ANPEP: variants seen among roughly 807,000 people sequenced by gnomAD.
ANPEP encodes the protein alanyl aminopeptidase, membrane, also known as aminopeptidase N.
In ANPEP, 70 loss-of-function variants were observed where a neutral mutation model predicts 114.6. The observed-to-expected ratio is 0.61, with a 90% confidence interval of 0.50 to 0.75. ANPEP has a LOEUF of 0.75. Among genes scored for constraint, ANPEP ranks in the 30% least tolerant of loss-of-function variants. The pLI is 0.00. For missense variants in ANPEP, 1,184 were observed against 1,259.5 expected (o/e 0.94, Z 0.91); for synonymous variants, 548 against 522.3 (o/e 1.05, Z -0.67).
chr15:89,807,489 A>G (rs576627798), intron 1 of ANPEP, among the ~76,000 whole-genome samples: 2 of 152,272 alleles, frequency 1.3e-5, no homozygotes, highest in East Asian at 1.9e-4. Flanking sequence ...TCACGAGGTT[A>G]GGAGTTCAAG....
At chr15:89,813,993 G>GA (rs1555442943) in intron 1 of ANPEP, among the ~76,000 whole-genome samples, 5 of 137,748 alleles carry the variant, frequency 3.6e-5, no homozygotes, top group African/African-American at 5.3e-5. Flanking sequence ...CGCACTGCTG[G>GA]GGGGGGGGGG....
chr15:89,802,999 C>T lies in ANPEP; in HGVS notation c.1569+240G>A, dbSNP rs376586280. On this transcript the variant is annotated intron_variant, in intron 10 of 20. Transcript: ENST00000300060. ...GGGCTCTACAGCTCCCATCAAGAAG[C>T]CCGCTGTAGCCTGAGGTCAGCTGCT... is the stretch of plus-strand genomic sequence containing the variant. Among the ~76,000 whole-genome samples the T allele has an allele frequency of 1.8e-4, 28 of 152,202 alleles. No homozygotes were observed. The East Asian group carries it at 5.0e-3, about 27-fold the overall frequency.
intron 20 of ANPEP, among the ~76,000 whole-genome samples, chr15:89,787,402 G>C (rs79747097): frequency 6.6e-6 from 1 of 151,548 alleles, no homozygotes; most frequent in African/African-American, 2.4e-5. Context: ...AAATTTTTTT[G>C]AAATAAAAAA....
Position 89,806,078 on chromosome 15 carries a change from G to A in ANPEP, c.506C>T (p.Ser169Phe), listed in dbSNP as rs753899647. ...CTCATACTGGCTGTCCTTCACCAGG[G>A]AGCCCTTGAGGTGCACCACCAGGTA... The part of the protein sequence containing the change: ...TEYLVVHLKG[S>F]LVKDSQYEMD... Residue 169 changes from serine (S) to phenylalanine (F), a missense_variant, in exon 2 of 21, where the codon TCC becomes TTC. Physicochemically the swap from Ser to Phe is radical, Grantham distance 155. Coordinates refer to ENST00000300060, the MANE Select transcript of ANPEP (RefSeq NM_001150.3). The surrounding 1 kb of genome is among the most constrained non-coding windows in gnomAD (Gnocchi z 5.7). 2.5e-6 allele frequency: 4 copies of A among 1,613,934 alleles called. No homozygotes were observed. Among genetic ancestry groups the A allele is most frequent in the Non-Finnish European group, 3.4e-6 (4 of 1,179,918 alleles).
At chr15:89,807,161 A>G (rs1596170913) in intron 1 of ANPEP, among the ~76,000 whole-genome samples, 1 of 152,214 alleles carries the variant, frequency 6.6e-6, no homozygotes, top group African/African-American at 2.4e-5. Flanking sequence ...GAGTTCCTCC[A>G]GGTTCCCCTC....
At position 89,799,689 on chromosome 15, in the gene ANPEP, G is replaced by A; in HGVS notation, c.1820-130C>T. 1.5e-6 allele frequency: 2 copies of A among 1,361,328 alleles called. No homozygotes were observed. The highest frequency in any genetic ancestry group is 2.0e-6 in the Non-Finnish European group (2 of 989,546). The allele number at this position is 1,361,328 out of a possible 1,614,324, so 84.3% of individuals were successfully genotyped here. A position where few individuals can be genotyped will look rare whatever the true frequency, so the allele number is the denominator to read the frequency against. On this transcript the variant is annotated intron_variant, in intron 12 of 20. Transcript: ENST00000300060. This position sits in a 1 kb window ranked among gnomAD's most constrained non-coding sequence, Gnocchi z 4.2. Reference sequence around the variant, plus strand: ...CTCAAGCTGCTGGGGAGACGCTAAGGGTGGGGAAGGAAGGGATGAGGAACT... The same window carrying A: ...CTCAAGCTGCTGGGGAGACGCTAAGAGTGGGGAAGGAAGGGATGAGGAACT...
In ANPEP at chr15:89,799,356, G is replaced by A. The variant is rs778170816; in HGVS notation, c.1954-41C>T. The A allele has an allele frequency of 4.3e-6, 7 of 1,614,174 alleles. No homozygotes were observed. Among genetic ancestry groups the A allele is most frequent in the Middle Eastern group, 1.6e-4 (1 of 6,062 alleles). Reference sequence around the variant, plus strand: ...CAGCATGTGACCATGGGTTGGCTGTGGGTGGCAGGCCTTGCAGTCTGGTGC... The same window carrying A: ...CAGCATGTGACCATGGGTTGGCTGTAGGTGGCAGGCCTTGCAGTCTGGTGC... On this transcript the variant is annotated intron_variant, in intron 13 of 20. Transcript: ENST00000300060. The surrounding 1 kb of genome is among the most constrained non-coding windows in gnomAD (Gnocchi z 4.2).
At chr15:89,802,701 G>A (rs752854901) in intron 10 of ANPEP, 21 of 163,750 alleles carry the variant, frequency 1.3e-4, no homozygotes, top group Admixed American at 2.4e-4. Context: ...GGAGAGGAGC[G>A]GCGGCCTCTG....
At chr15:89,801,687 G>T in intron 10 of ANPEP, 80 bp from the exon 11 acceptor site, 4 of 1,521,584 alleles carry the variant, frequency 2.6e-6, no homozygotes, top group Non-Finnish European at 1.8e-6. Flanking sequence ...GCAGATTCTC[G>T]CCTCGACCCC....
Position 89,790,970 on chromosome 15 carries a change from C to T in ANPEP, c.2652G>A (p.Trp884Ter). The T allele has an allele frequency of 6.2e-7, 1 of 1,614,116 alleles. No individual in the cohort carries two copies. The highest frequency in any genetic ancestry group is 1.3e-5 in the African/African-American group (1 of 75,056). ...AGACTCACTCGTTAAAAAGCTTCTTCCAGTTGCTCTGGACAAAGTCCCAGA... is the reference window on the plus strand; with the variant it reads ...AGACTCACTCGTTAAAAAGCTTCTTTCAGTTGCTCTGGACAAAGTCCCAGA... ...GLVWDFVQSN[W>*]KKLFNDYGGG... Residue 884 changes from tryptophan to a stop codon, truncating the protein, a stop_gained, in exon 19 of 21, where the codon TGG (tryptophan) becomes TGA (stop). Transcript: ENST00000300060. LOFTEE classifies it high-confidence loss of function.
At chr15:89,801,021 A>G (rs1894577154) in intron 12 of ANPEP, 90 bp downstream of exon 12, 2 of 1,135,096 alleles carry the variant, frequency 1.8e-6, no homozygotes, top group Admixed American at 2.1e-5. Flanking sequence ...CATTTGTTGA[A>G]TGGAATGGCC....
chr15:89,802,985 C>G (rs1422652927), intron 10 of ANPEP, among the ~76,000 whole-genome samples: 1 of 152,072 alleles, frequency 6.6e-6, no homozygotes, highest in Non-Finnish European at 1.5e-5. Flanking sequence ...GGCTCTACAG[C>G]TCCCATCAAG....
intron 2 of ANPEP, among the ~76,000 whole-genome samples, chr15:89,805,671 G>A (rs1205929963): frequency 6.6e-6 from 1 of 152,222 alleles, no homozygotes; most frequent in Non-Finnish European, 1.5e-5. Flanking sequence ...TCTGGATTCG[G>A]GGTGCCAGCA....
At chr15:89,792,787 C>G (rs561082091) in intron 16 of ANPEP, among the ~76,000 whole-genome samples, 65 of 152,304 alleles carry the variant, frequency 4.3e-4, no homozygotes, top group African/African-American at 1.4e-3. Flanking sequence ...AGTTTCAACA[C>G]CTAGAAACTG....
At chr15:89,786,599 G>C (rs932095923) in intron 20 of ANPEP, among the ~76,000 whole-genome samples, 1 of 151,854 alleles carries the variant, frequency 6.6e-6, no homozygotes, top group African/African-American at 2.4e-5. Context: ...AGGTTGAGGT[G>C]GGGGGATCAC....
intron 15 of ANPEP, among the ~76,000 whole-genome samples, chr15:89,796,332 AC>A (rs1421600725): frequency 6.6e-6 from 1 of 152,268 alleles, no homozygotes; most frequent in African/African-American, 2.4e-5. Flanking sequence ...TTAGATAATC[AC>A]AATAAAGCAA....
At chr15:89,791,800 C>T (rs1274173690) in intron 18 of ANPEP, among the ~76,000 whole-genome samples, 1 of 152,014 alleles carries the variant, frequency 6.6e-6, no homozygotes, top group East Asian at 1.9e-4. Context: ...ATATGAGGCA[C>T]ATGGTGGGAG....
rs1894545913 is a variant in ANPEP at position 89,799,647 on chromosome 15, C to T, written c.1820-88G>A. On this transcript the variant is annotated intron_variant, in intron 12 of 20. Coordinates refer to ENST00000300060, the MANE Select transcript of ANPEP (RefSeq NM_001150.3). The surrounding 1 kb of genome is among the most constrained non-coding windows in gnomAD (Gnocchi z 4.2). Reference sequence around the variant, plus strand: ...CTTGCAAGAGCAGCTGCCCCCGCAGCCTGGCACCACCTCACCCTCAAGCTG... The same window carrying T: ...CTTGCAAGAGCAGCTGCCCCCGCAGTCTGGCACCACCTCACCCTCAAGCTG... The T allele has an allele frequency of 6.4e-7, 1 of 1,569,566 alleles. No homozygotes were observed. The highest frequency in any genetic ancestry group is 8.7e-7 in the Non-Finnish European group (1 of 1,150,682).
intron 20 of ANPEP, among the ~76,000 whole-genome samples, chr15:89,786,294 T>A (rs183523014): frequency 1.1e-4 from 17 of 151,554 alleles, no homozygotes; most frequent in Admixed American, 1.1e-3. Flanking sequence ...CCCAAATAAA[T>A]CTGTGTCCAT....
Sources: allele counts gnomAD v4.1 joint callset (sites outside exome capture counted in the v4.1 genomes callset), GRCh38; gene constraint gnomAD v4.1.1; non-coding constraint Gnocchi (gnomAD v3.1); transcripts MANE v1.5; gene names NCBI Gene and HGNC (gene_info 2026-07-23, HGNC 2026-07-21).